HIVEP1: variants seen among roughly 807,000 people sequenced by gnomAD.
HIVEP1 encodes the protein zinc finger protein 40.
HIVEP1 carries 36 observed loss-of-function variants against 180.0 expected under a neutral mutation model. The observed-to-expected ratio is 0.20, with a 90% CI of 0.15 to 0.26. The LOEUF is 0.26. Among genes scored for constraint, HIVEP1 ranks in the 10% least tolerant of loss-of-function variants. HIVEP1 has a pLI of 1.00. For missense variants in HIVEP1, 3,143 were observed against 3,268.7 expected (o/e 0.96, Z 0.94); for synonymous variants, 1,239 against 1,239.0 (o/e 1.00, Z 0.00).
intron 2 of HIVEP1, among the ~76,000 whole-genome samples, chr6:12,025,765 C>T (rs1381993076): frequency 2.0e-5 from 3 of 152,226 alleles, no homozygotes; most frequent in Non-Finnish European, 4.4e-5. Context: ...GTTGGCCAAG[C>T]TCGATGGCTC....
At chr6:12,188,431 G>A in the HIVEP1 span, among the ~76,000 whole-genome samples, 2,819 of 152,142 alleles carry the variant, frequency 0.019, 82 homozygotes, top group African/African-American at 0.062. Context: ...GTATAAGACA[G>A]CCAGGGGAAA....
At chr6:12,081,760 C>T (rs1772804079) in intron 2 of HIVEP1, among the ~76,000 whole-genome samples, 1 of 152,158 alleles carries the variant, frequency 6.6e-6, no homozygotes, top group Non-Finnish European at 1.5e-5. Context: ...GTTTCTCTAT[C>T]CCCTGCTCCT....
At position 12,041,420 on chromosome 6, in the gene HIVEP1, T is replaced by TAA. The variant is rs34364704; in HGVS notation, c.40+25775_40+25776dup. 7.2e-3 allele frequency among the ~76,000 whole-genome samples: 377 copies of TAA among 52,036 alleles called. 14 individuals carry two copies. The highest frequency in any genetic ancestry group is 0.014 in the Middle Eastern group (1 of 72). The allele number at this position is 52,036 out of a possible 152,430, so 34.1% of individuals were successfully genotyped here. A position where few individuals can be genotyped will look rare whatever the true frequency, so the allele number is the denominator to read the frequency against. ...CTGGGCGACAGAGCGAGACTCCGTCTAAAAAAAAAAAAAAAAAAAAAAAAG... is the reference window on the plus strand; with the variant it reads ...CTGGGCGACAGAGCGAGACTCCGTCTAAAAAAAAAAAAAAAAAAAAAAAAAAG... On this transcript the variant is annotated intron_variant, in intron 2 of 8. Coordinates refer to ENST00000379388, the MANE Select transcript of HIVEP1 (RefSeq NM_002114.4).
At chr6:12,116,535 C>T (rs1296989265) in intron 3 of HIVEP1, among the ~76,000 whole-genome samples, 2 of 152,120 alleles carry the variant, frequency 1.3e-5, no homozygotes, top group East Asian at 1.9e-4. Flanking sequence ...CTAGCCTCTC[C>T]CCTCCTTACA....
Position 12,119,967 on chromosome 6 carries a change from C to T in HIVEP1, c.172C>T (p.His58Tyr), listed in dbSNP as rs1163711316. ...ACGCAAAAAGATCGTAGCTGAGAATCACCTGAAAAAAATACCAAAATCCCC... is the reference window on the plus strand; with the variant it reads ...ACGCAAAAAGATCGTAGCTGAGAATTACCTGAAAAAAATACCAAAATCCCC... Reference protein sequence around the residue: ...VKRKKIVAENHLKKIPKSPLR... With the variant: ...VKRKKIVAENYLKKIPKSPLR... The change falls in exon 4 of 9, where the codon CAC becomes TAC. Residue 58 changes from histidine (H) to tyrosine (Y), a missense_variant. His to Tyr is a moderately conservative substitution (Grantham distance 83). Coordinates refer to ENST00000379388, the MANE Select transcript of HIVEP1 (RefSeq NM_002114.4). 1 of 1,610,832 alleles carries T rather than the reference C, an allele frequency of 6.2e-7. No homozygotes were observed. The highest frequency in any genetic ancestry group is 8.5e-7 in the Non-Finnish European group (1 of 1,179,222).
chr6:12,166,937 A>G (rs1441937137), downstream of HIVEP1, among the ~76,000 whole-genome samples: 1 of 152,138 alleles, frequency 6.6e-6, no homozygotes, highest in Non-Finnish European at 1.5e-5. Context: ...CTGAAGAACC[A>G]CAGGTCGTTT....
At chr6:12,040,351 TC>T (rs1263769893) in intron 2 of HIVEP1, among the ~76,000 whole-genome samples, 2 of 152,216 alleles carry the variant, frequency 1.3e-5, no homozygotes, top group African/African-American at 4.8e-5. Flanking sequence ...AAGAGTTTAG[TC>T]CTGTCACACA....
chr6:12,095,057 CGTA>C (rs1477520950), intron 3 of HIVEP1, among the ~76,000 whole-genome samples: 3 of 151,966 alleles, frequency 2.0e-5, no homozygotes, highest in Non-Finnish European at 4.4e-5. Context: ...AAAAATCAGT[CGTA>C]GTATTTTCTT....
In HIVEP1 at chr6:12,124,316, A is replaced by G; in HGVS notation, c.4521A>G (p.Gln1507=). Residue 1507 remains glutamine (Q), a synonymous_variant, in exon 4 of 9, where the codon CAA becomes CAG. Coordinates refer to ENST00000379388, the MANE Select transcript of HIVEP1 (RefSeq NM_002114.4). ...NSSSTNVFPV[Q]QLCDINLLNQ... ...GCTCTACCAACGTTTTTCCTGTTCA[A>G]CAGCTCTGTGATATCAATTTGTTAA... is the stretch of plus-strand genomic sequence containing the variant. 6.2e-7 allele frequency: 1 copy of G among 1,614,036 alleles called. No homozygotes were observed. The highest frequency in any genetic ancestry group is 8.5e-7 in the Non-Finnish European group (1 of 1,179,976).
chr6:12,202,303 A>AT, the HIVEP1 span, among the ~76,000 whole-genome samples: 56,999 of 150,630 alleles, frequency 0.38, 11,742 homozygotes, highest in East Asian at 0.56. Flanking sequence ...CTATAGGCTA[A>AT]TTTTTTTTTT....
At chr6:12,176,972 A>T in the HIVEP1 span, among the ~76,000 whole-genome samples, 1 of 152,242 alleles carries the variant, frequency 6.6e-6, no homozygotes, top group African/African-American at 2.4e-5. Flanking sequence ...ACCATGGAAT[A>T]CTATGCAGCC....
At chr6:12,069,509 G>A (rs1490022862) in intron 2 of HIVEP1, among the ~76,000 whole-genome samples, 4 of 146,068 alleles carry the variant, frequency 2.7e-5, no homozygotes, top group Non-Finnish European at 6.0e-5. Flanking sequence ...ACTCATAGGT[G>A]GGAATTGAAC....
Position 12,017,944 on chromosome 6 carries a change from C to T in HIVEP1, c.40+2276C>T, listed in dbSNP as rs757495731. On this transcript the variant is annotated intron_variant, in intron 2 of 8. Coordinates refer to ENST00000379388, the MANE Select transcript of HIVEP1 (RefSeq NM_002114.4). ...CTGCACTACTCAGCCCTTGGGTGGT[C>T]GATGGGACTGGGCGCCTAGGAACAG... Among the ~76,000 whole-genome samples, 7 of 152,266 alleles carry T rather than the reference C, an allele frequency of 4.6e-5. 1 individual carries two copies. Among genetic ancestry groups the T allele is most frequent in the African/African-American group, 1.7e-4 (7 of 41,564 alleles).
In HIVEP1 at chr6:12,053,249, G is replaced by A. The variant is rs192595725; in HGVS notation, c.41-35935G>A. 5.0e-3 allele frequency among the ~76,000 whole-genome samples: 754 copies of A among 152,176 alleles called. 6 individuals are homozygous for A. The highest frequency in any genetic ancestry group is 0.017 in the African/African-American group (726 of 41,514). On this transcript the variant is annotated intron_variant, in intron 2 of 8. Coordinates refer to ENST00000379388, the MANE Select transcript of HIVEP1 (RefSeq NM_002114.4). ...CATGTGTGTGTGTGTGTCTGTGTGTGTGTAGGGATATTTTGTGGCATATAT... is the reference window on the plus strand; with the variant it reads ...CATGTGTGTGTGTGTGTCTGTGTGTATGTAGGGATATTTTGTGGCATATAT...
Position 12,123,655 on chromosome 6 carries a change from C to T in HIVEP1, c.3860C>T (p.Ala1287Val), listed in dbSNP as rs1429715536. 6.2e-7 allele frequency: 1 copy of T among 1,614,118 alleles called. No individual in the cohort carries two copies. The highest frequency in any genetic ancestry group is 8.5e-7 in the Non-Finnish European group (1 of 1,180,022). Residue 1287 changes from alanine (A) to valine (V), a missense_variant, in exon 4 of 9, where the codon GCT (alanine) becomes GTT (valine). Around this residue, in one of 12 missense-constraint regions of HIVEP1, gnomAD observed 1,357 missense variants for 1,260.5 expected, o/e 1.08. Transcript: ENST00000379388. ...CCCAAAAAGAAAAGGCTCCGTCTGG[C>T]TGAGATAGAACATTCCTCAACAGAA... ...LPPKKKRLRL[A>V]EIEHSSTESS...
At chr6:12,154,712 C>CG (rs1194072602) in intron 7 of HIVEP1, among the ~76,000 whole-genome samples, 2 of 152,068 alleles carry the variant, frequency 1.3e-5, no homozygotes, top group Non-Finnish European at 2.9e-5. Context: ...ACCTAGAAGA[C>CG]GGGTTGATGG....
the HIVEP1 span, among the ~76,000 whole-genome samples, chr6:12,174,233 AG>A: frequency 6.6e-6 from 1 of 152,184 alleles, no homozygotes; most frequent in Non-Finnish European, 1.5e-5. Context: ...CTAATCTACA[AG>A]GGTTGGAAAC....
the HIVEP1 span, among the ~76,000 whole-genome samples, chr6:12,175,967 G>A: frequency 6.6e-6 from 1 of 152,260 alleles, no homozygotes; most frequent in South Asian, 2.1e-4. Context: ...CCTCCACAGA[G>A]TCCAGGCCTG....
intron 3 of HIVEP1, among the ~76,000 whole-genome samples, chr6:12,091,066 A>C (rs561009121): frequency 1.3e-5 from 2 of 152,244 alleles, no homozygotes; most frequent in South Asian, 4.1e-4. Flanking sequence ...AATTAAAAAT[A>C]AAATAGTTTT....
Sources: allele counts gnomAD v4.1 joint callset (sites outside exome capture counted in the v4.1 genomes callset), GRCh38; gene constraint gnomAD v4.1.1; regional missense constraint gnomAD v4.1.1; transcripts MANE v1.5; gene names NCBI Gene and HGNC (gene_info 2026-07-23, HGNC 2026-07-21).